The following PARP8 variants were observed in gnomAD, a reference collection of about 807,000 sequenced individuals.
PARP8 encodes protein mono-ADP-ribosyltransferase PARP8.
A neutral mutation model predicts 124.1 loss-of-function variants in PARP8; 51 were observed. The observed-to-expected ratio is 0.41, with a 90% CI of 0.33 to 0.52. The LOEUF is 0.52. PARP8 is among the 20% of genes least tolerant of loss of function. The probability of loss-of-function intolerance (pLI) is 0.21; values close to 1 mark genes in which losing one functional copy is unlikely to be tolerated. For synonymous variants in PARP8, 391 were observed against 361.5 expected, an observed-to-expected ratio of 1.08 and a Z score of -0.93; for missense variants, 860 against 1,018.9, an observed-to-expected ratio of 0.84 and a Z score of 2.12.
At chr5:50,788,738 C>G (rs1378785611) in intron 10 of PARP8, 149 bp downstream of exon 10, 1 of 664,524 alleles carries the variant, frequency 1.5e-6, no homozygotes, top group Admixed American at 2.7e-5. Context: ...ATGCTAAGAG[C>G]TGCGTTGATA....
chr5:50,819,427 CTTTTTT>C (rs34347134), intron 15 of PARP8, among the ~76,000 whole-genome samples: 11 of 46,650 alleles, frequency 2.4e-4, no homozygotes, highest in African/African-American at 8.5e-4. Context: ...ATTTTATCTT[CTTTTTT>C]TTTTTTTTTT....
At chr5:50,703,968 C>T (rs1702836378) in intron 2 of PARP8, among the ~76,000 whole-genome samples, 3 of 151,918 alleles carry the variant, frequency 2.0e-5, no homozygotes, top group Admixed American at 1.3e-4. Context: ...AAAGCACCTG[C>T]TATATACAGC....
intron 14 of PARP8, among the ~76,000 whole-genome samples, chr5:50,799,972 A>G (rs1436595730): frequency 6.6e-6 from 1 of 152,198 alleles, no homozygotes; most frequent in East Asian, 1.9e-4. Context: ...AGAAATAAAT[A>G]TTTGTTGTTA....
intron 2 of PARP8, among the ~76,000 whole-genome samples, chr5:50,731,662 A>G (rs560568213): frequency 6.6e-6 from 1 of 152,284 alleles, no homozygotes; most frequent in South Asian, 2.1e-4. Flanking sequence ...CCTTTGGTAT[A>G]TATTTATAGA....
chr5:50,835,022 G>T lies in PARP8; in HGVS notation c.2462+7G>T. On this transcript the variant is annotated splice_region_variant and intron_variant, in intron 25 of 25. Coordinates refer to ENST00000281631, the MANE Select transcript of PARP8 (RefSeq NM_024615.4). ...GCACACGATTCTTTTTCGTGTAAGT[G>T]GAAATGCTCAAATTTGTATATTACT... 1 of 1,609,264 alleles carries T rather than the reference G, an allele frequency of 6.2e-7. No homozygotes were observed. Among genetic ancestry groups the T allele is most frequent in the Non-Finnish European group, 8.5e-7 (1 of 1,176,630 alleles).
At chr5:50,817,255 A>G (rs1745203656) in intron 15 of PARP8, among the ~76,000 whole-genome samples, 1 of 152,248 alleles carries the variant, frequency 6.6e-6, no homozygotes, top group Non-Finnish European at 1.5e-5. Context: ...AATGATTGAT[A>G]CAAAGCACAA....
At chr5:50,758,310 G>A (rs920076343) in intron 3 of PARP8, among the ~76,000 whole-genome samples, 9 of 152,142 alleles carry the variant, frequency 5.9e-5, no homozygotes, top group Admixed American at 5.2e-4. Flanking sequence ...TCCAAATAAT[G>A]AGGCAAACAT....
Position 50,795,229 on chromosome 5 carries a change from A to G in PARP8, c.1240A>G (p.Asn414Asp), listed in dbSNP as rs1201320595. Residue 414 changes from asparagine to aspartate, a missense_variant, in exon 12 of 26, where the codon AAT (asparagine) becomes GAT (aspartate). Physicochemically the swap from Asn to Asp is conservative, Grantham distance 23 (BLOSUM62 1). This residue lies in a region of PARP8 where 517 missense variants were observed against 544.2 expected (regional missense o/e 0.95). Transcript: ENST00000281631. ...ACTGTTAAGCAGGTCTTACTCTAGT[A>G]ATCTCAGAATGGAAGAATTATATGG... ...HKLLSRSYSS[N>D]LRMEELYGLK... 6.2e-7 allele frequency: 1 copy of G among 1,614,092 alleles called. No homozygotes were observed. Among genetic ancestry groups the G allele is most frequent in the African/African-American group, 1.3e-5 (1 of 74,938 alleles).
At chr5:50,813,569 T>C (rs1744729392) in intron 14 of PARP8, among the ~76,000 whole-genome samples, 1 of 152,180 alleles carries the variant, frequency 6.6e-6, no homozygotes, top group South Asian at 2.1e-4. Flanking sequence ...CTTTTCCTAA[T>C]TGGATACCCT....
rs1025083392 is a variant in PARP8, at chr5:50,758,526, C to G, written c.185-1117C>G. Among the ~76,000 whole-genome samples, 3 of 151,986 alleles carry G rather than the reference C, an allele frequency of 2.0e-5. No homozygotes were observed. In the East Asian group the frequency reaches 5.8e-4, roughly 29 times the overall value. ...ATTAAAAATTGTGTTCTCATTGTAC[C>G]GACACAATATTATGAAAACTGGGCT... On this transcript the variant is annotated intron_variant, in intron 3 of 25. Transcript: ENST00000281631.
At chr5:50,759,393 C>A (rs919152556) in intron 3 of PARP8, among the ~76,000 whole-genome samples, 1 of 152,130 alleles carries the variant, frequency 6.6e-6, no homozygotes, top group Non-Finnish European at 1.5e-5. Context: ...ACAGATGTAC[C>A]TGGATAGTCT....
intron 23 of PARP8, among the ~76,000 whole-genome samples, 154 bp from the exon 24 acceptor site, chr5:50,833,819 CTTAATA>C (rs913372101): frequency 6.0e-5 from 9 of 150,444 alleles, no homozygotes; most frequent in African/African-American, 1.2e-4. Flanking sequence ...TTAAAAATAA[CTTAATA>C]TTAAGAGAGT....
chr5:50,811,008 T>G (rs1368188800), intron 14 of PARP8, among the ~76,000 whole-genome samples: 1 of 152,132 alleles, frequency 6.6e-6, no homozygotes, highest in African/African-American at 2.4e-5. Flanking sequence ...TTTTGGTTTT[T>G]GTTTCCAAAA....
intron 2 of PARP8, among the ~76,000 whole-genome samples, chr5:50,703,037 G>C (rs973764641): frequency 2.6e-5 from 4 of 151,924 alleles, no homozygotes; most frequent in East Asian, 1.9e-4. Flanking sequence ...GATGTGGCTC[G>C]TGCCTGTAAT....
chr5:50,803,905 A>G (rs1743519775), intron 14 of PARP8, among the ~76,000 whole-genome samples: 1 of 152,126 alleles, frequency 6.6e-6, no homozygotes, highest in Non-Finnish European at 1.5e-5. Flanking sequence ...TTTAAATACA[A>G]TAATGCTGGA....
chr5:50,699,518 G>A (rs1753370701), intron 2 of PARP8, among the ~76,000 whole-genome samples: 1 of 152,132 alleles, frequency 6.6e-6, no homozygotes, highest in Non-Finnish European at 1.5e-5. Flanking sequence ...GACATCAGGG[G>A]AAACAGGTTT....
At chr5:50,771,126 C>CAT (rs993890723) in intron 7 of PARP8, among the ~76,000 whole-genome samples, 3 of 150,312 alleles carry the variant, frequency 2.0e-5, no homozygotes, top group Admixed American at 1.3e-4. Context: ...TACACACACA[C>CAT]ATATATATAC....
intron 9 of PARP8, among the ~76,000 whole-genome samples, chr5:50,787,691 T>G (rs1296413941): frequency 6.6e-6 from 1 of 152,080 alleles, no homozygotes; most frequent in Admixed American, 6.6e-5. Context: ...GAGATACTCT[T>G]TAAACCAGTG....
intron 2 of PARP8, among the ~76,000 whole-genome samples, chr5:50,717,265 A>T: frequency 6.6e-6 from 1 of 151,990 alleles, no homozygotes; most frequent in Non-Finnish European, 1.5e-5. Context: ...GTTGGGGTTA[A>T]AAAAAGGGGA....
Sources: allele counts gnomAD v4.1 joint callset (sites outside exome capture counted in the v4.1 genomes callset), GRCh38; gene constraint gnomAD v4.1.1; regional missense constraint gnomAD v4.1.1; transcripts MANE v1.5; gene names NCBI Gene and HGNC (gene_info 2026-07-23, HGNC 2026-07-21).